Variants in KIRREL3 observed in about 807,000 individuals in gnomAD.
KIRREL3 encodes the protein kirre like nephrin family adhesion molecule 3, also known as kin of IRRE-like protein 3.
KIRREL3 carries 36 observed loss-of-function variants against 89.7 expected under a neutral mutation model. That is an observed-to-expected ratio of 0.40 (90% CI 0.31 to 0.53). The LOEUF is 0.53. KIRREL3 is among the 20% of genes least tolerant of loss of function. The probability of loss-of-function intolerance (pLI) is 0.49; values close to 1 mark genes in which losing one functional copy is unlikely to be tolerated. For missense variants in KIRREL3, 864 were observed against 1,056.6 expected (o/e 0.82, Z 2.53); for synonymous variants, 445 against 441.4 (o/e 1.01, Z -0.10).
At chr11:126,701,848 T>C (rs930465881) in intron 1 of KIRREL3, among the ~76,000 whole-genome samples, 4 of 152,142 alleles carry the variant, frequency 2.6e-5, no homozygotes, top group Non-Finnish European at 5.9e-5. Context: ...AAGACAACCA[T>C]CCCACAGAGG....
At position 126,653,886 on chromosome 11, in the gene KIRREL3, A is replaced by C. The variant is rs1415970868; in HGVS notation, c.56-90974T>G. 6.6e-6 allele frequency among the ~76,000 whole-genome samples: 1 copy of C among 152,196 alleles called. No homozygotes were observed. The highest frequency in any genetic ancestry group is 2.4e-5 in the African/African-American group (1 of 41,464). ...TCTATAGCCATTTTTAGTTGCACCA[A>C]AGGGGGGAGTTGAAAAATAGACCTT... is the stretch of plus-strand genomic sequence containing the variant. On this transcript the variant is annotated intron_variant, in intron 1 of 16. Coordinates refer to ENST00000525144, the MANE Select transcript of KIRREL3 (RefSeq NM_032531.4). This position sits in a 1 kb window ranked among gnomAD's most constrained non-coding sequence, Gnocchi z 5.4.
At chr11:126,457,533 CGAGA>C (rs146550156) in intron 6 of KIRREL3, among the ~76,000 whole-genome samples, 34 of 149,192 alleles carry the variant, frequency 2.3e-4, no homozygotes, top group Middle Eastern at 3.4e-3. Context: ...GTGTGTAGAG[CGAGA>C]GAGAGAGAGA....
intron 8 of KIRREL3, among the ~76,000 whole-genome samples, chr11:126,447,955 C>T (rs534486401): frequency 2.6e-5 from 4 of 152,160 alleles, no homozygotes; most frequent in Non-Finnish European, 4.4e-5. Flanking sequence ...CATGGCAGTG[C>T]GCTGCCTTGC....
At position 126,697,659 on chromosome 11, in the gene KIRREL3, G is replaced by C. The variant is rs1947152804; in HGVS notation, c.56-134747C>G. On this transcript the variant is annotated intron_variant, in intron 1 of 16. Transcript: ENST00000525144. This position sits in a 1 kb window ranked among gnomAD's most constrained non-coding sequence, Gnocchi z 4.2. ...CCTAATAACCTGAACTCATGTAAAA[G>C]TGGCTCTTTCCTCCCAGTCCAAACC... Among the ~76,000 whole-genome samples the C allele has an allele frequency of 6.6e-6, 1 of 152,248 alleles. No homozygotes were observed. The highest frequency in any genetic ancestry group is 6.5e-5 in the Admixed American group (1 of 15,292).
At position 126,525,218 on chromosome 11, in the gene KIRREL3, C is replaced by T. The variant is rs1042645255; in HGVS notation, c.283+1320G>A. 6.6e-6 allele frequency among the ~76,000 whole-genome samples: 1 copy of T among 152,224 alleles called. No homozygotes were observed. Among genetic ancestry groups the T allele is most frequent in the Non-Finnish European group, 1.5e-5 (1 of 68,034 alleles). On this transcript the variant is annotated intron_variant, in intron 3 of 16. Transcript: ENST00000525144. The surrounding 1 kb of genome is among the most constrained non-coding windows in gnomAD (Gnocchi z 5.4). The stretch of plus-strand genomic sequence containing the variant: ...GTCCCTGACGGAAGTTGGAAACCCA[C>T]TGACCGGGACCCCAGACAGCCTCCT...
chr11:126,425,071 G>A, intron 16 of KIRREL3, 48 bp from the exon 17 acceptor site: 1 of 1,444,346 alleles, frequency 6.9e-7, no homozygotes, highest in African/African-American at 1.4e-5. Flanking sequence ...AGTCTCCACT[G>A]AGCGTGGCTG....
chr11:126,980,944 A>G (rs1000806589), intron 1 of KIRREL3, among the ~76,000 whole-genome samples: 1 of 152,238 alleles, frequency 6.6e-6, no homozygotes, highest in Non-Finnish European at 1.5e-5. Flanking sequence ...AAGAACCAAG[A>G]TTCAGTTAGG....
Position 126,609,959 on chromosome 11 carries a change from T to C in KIRREL3, c.56-47047A>G, listed in dbSNP as rs193143226. ...AATCCTCAGAACAACCCAATGTTGT[T>C]GGAAGGTGCAATGATCATCTTCCTT... is the stretch of plus-strand genomic sequence containing the variant. On this transcript the variant is annotated intron_variant, in intron 1 of 16. Transcript: ENST00000525144. The surrounding 1 kb of genome is among the most constrained non-coding windows in gnomAD (Gnocchi z 5.0). Among the ~76,000 whole-genome samples, 1 of 152,344 alleles carries C rather than the reference T, an allele frequency of 6.6e-6. No homozygotes were observed. The highest frequency in any genetic ancestry group is 1.5e-5 in the Non-Finnish European group (1 of 68,034).
intron 7 of KIRREL3, among the ~76,000 whole-genome samples, chr11:126,453,135 A>G (rs2134224128): frequency 7.5e-6 from 1 of 133,144 alleles, no homozygotes; most frequent in African/African-American, 2.8e-5. Context: ...GCCTCTCCCA[A>G]TCAATGTCTA....
At chr11:126,779,904 C>T (rs1409864008) in intron 1 of KIRREL3, among the ~76,000 whole-genome samples, 2 of 151,998 alleles carry the variant, frequency 1.3e-5, no homozygotes, top group Non-Finnish European at 2.9e-5. Context: ...TACCATTGGG[C>T]CTTTAGGAAG....
intron 12 of KIRREL3, among the ~76,000 whole-genome samples, chr11:126,435,731 C>T (rs974755847): frequency 6.6e-6 from 1 of 152,156 alleles, no homozygotes; most frequent in African/African-American, 2.4e-5. Context: ...TGTGATTTGA[C>T]CCATAGGTGT....
intron 11 of KIRREL3, among the ~76,000 whole-genome samples, chr11:126,437,775 CACAAT>C (rs1186396045): frequency 1.3e-5 from 2 of 152,148 alleles, no homozygotes; most frequent in Non-Finnish European, 2.9e-5. Context: ...CAATACAACA[CACAAT>C]ACAAGCATGC....
rs528397785 is a variant in KIRREL3, at chr11:126,689,499, C to A, written c.56-126587G>T. Among the ~76,000 whole-genome samples, 1 of 152,306 alleles carries A rather than the reference C, an allele frequency of 6.6e-6. No homozygotes were observed. The highest frequency in any genetic ancestry group is 2.1e-4 in the South Asian group (1 of 4,828). Reference sequence around the variant, plus strand: ...TCCAAAGAGGAGGTCTCCTATGCACCCGAGGAGGATGAGTCTTCAGAGTTT... The same window carrying A: ...TCCAAAGAGGAGGTCTCCTATGCACACGAGGAGGATGAGTCTTCAGAGTTT... On this transcript the variant is annotated intron_variant, in intron 1 of 16. Coordinates refer to ENST00000525144, the MANE Select transcript of KIRREL3 (RefSeq NM_032531.4). The surrounding 1 kb of genome is among the most constrained non-coding windows in gnomAD (Gnocchi z 5.2).
In KIRREL3 at chr11:126,913,831, T is replaced by A. The variant is rs1022628834; in HGVS notation, c.55+86624A>T. Among the ~76,000 whole-genome samples the A allele has an allele frequency of 6.6e-5, 10 of 151,764 alleles. No homozygotes were observed. In the South Asian group the frequency reaches 2.1e-3, roughly 32 times the overall value. On this transcript the variant is annotated intron_variant, in intron 1 of 16. Transcript: ENST00000525144. Reference sequence around the variant, plus strand: ...CTGGCAGAGTAGAGTGCAGGTGGAGTCTGGGGACCGCATAGCAGAGGAGGG... The same window carrying A: ...CTGGCAGAGTAGAGTGCAGGTGGAGACTGGGGACCGCATAGCAGAGGAGGG...
At chr11:126,984,597 C>T (rs1949805826) in intron 1 of KIRREL3, among the ~76,000 whole-genome samples, 1 of 152,278 alleles carries the variant, frequency 6.6e-6, no homozygotes, top group South Asian at 2.1e-4. Context: ...TTTGTTATGC[C>T]TCATTTACAA....
At chr11:126,559,613 C>T (rs1159376834) in intron 2 of KIRREL3, among the ~76,000 whole-genome samples, 1 of 151,798 alleles carries the variant, frequency 6.6e-6, no homozygotes, top group Non-Finnish European at 1.5e-5. Flanking sequence ...GTGGAGGTGA[C>T]ACATACACTG....
chr11:126,473,223 C>T, intron 5 of KIRREL3, 86 bp downstream of exon 5: 1 of 1,059,908 alleles, frequency 9.4e-7, no homozygotes. Context: ...AGCCTCCTCC[C>T]CATCAACTCC....
intron 1 of KIRREL3, among the ~76,000 whole-genome samples, chr11:126,831,755 C>T (rs1199883554): frequency 2.0e-5 from 3 of 151,972 alleles, no homozygotes; most frequent in Non-Finnish European, 4.4e-5. Flanking sequence ...TGAGGGGATC[C>T]TAATGCCTTT....
At position 126,609,375 on chromosome 11, in the gene KIRREL3, C is replaced by T. The variant is rs139401199; in HGVS notation, c.56-46463G>A. ...TGTAGCATCTATTATTTATGATTTC[C>T]TTTCGTCTCTCCTGAGTATGACAAC... On this transcript the variant is annotated intron_variant, in intron 1 of 16. Coordinates refer to ENST00000525144, the MANE Select transcript of KIRREL3 (RefSeq NM_032531.4). This position sits in a 1 kb window ranked among gnomAD's most constrained non-coding sequence, Gnocchi z 5.0. 8.1e-4 allele frequency among the ~76,000 whole-genome samples: 123 copies of T among 152,276 alleles called. No homozygotes were observed. Among genetic ancestry groups the T allele is most frequent in the African/African-American group, 2.9e-3 (119 of 41,548 alleles).
Sources: gnomAD v4.1 joint callset for allele counts (sites outside exome capture counted in the v4.1 genomes callset) on GRCh38, gnomAD v4.1.1 for gene constraint, Gnocchi (gnomAD v3.1) non-coding constraint, MANE v1.5 for transcripts, NCBI Gene and HGNC (gene_info 2026-07-23, HGNC 2026-07-21) for gene names.